TUBGCP3: variants seen among roughly 807,000 people sequenced by gnomAD.
The protein encoded by TUBGCP3 is gamma-tubulin complex component 3.
Under a neutral mutation model 123.1 loss-of-function variants are expected in TUBGCP3, and 50 were observed. That is an observed-to-expected ratio of 0.41 (90% CI 0.32 to 0.51). TUBGCP3 has a LOEUF of 0.51. Among genes scored for constraint, TUBGCP3 ranks in the 20% least tolerant of loss-of-function variants. The pLI is 0.36. For missense variants in TUBGCP3, 882 were observed against 1,127.0 expected (o/e 0.78, Z 3.11); for synonymous variants, 405 against 413.9 (o/e 0.98, Z 0.26).
Position 112,519,881 on chromosome 13 carries a change from A to G in TUBGCP3, c.1881+5T>C. On this transcript the variant is annotated splice_donor_5th_base_variant and intron_variant, in intron 15 of 21. Coordinates refer to ENST00000261965, the MANE Select transcript of TUBGCP3 (RefSeq NM_006322.6). The surrounding 1 kb of genome is among the most constrained non-coding windows in gnomAD (Gnocchi z 6.2). Reference sequence around the variant, plus strand: ...CGGCGTTCCCAACACGCAGAGCCGCAGTACCTCCAGCAGCCGCACGTCCAG... The same window carrying G: ...CGGCGTTCCCAACACGCAGAGCCGCGGTACCTCCAGCAGCCGCACGTCCAG... 6.2e-7 allele frequency: 1 copy of G among 1,612,550 alleles called. No individual in the cohort carries two copies. The highest frequency in any genetic ancestry group is 8.5e-7 in the Non-Finnish European group (1 of 1,178,912).
intron 20 of TUBGCP3, among the ~76,000 whole-genome samples, chr13:112,492,339 TTTTA>T (rs148194230): frequency 0.016 from 2,425 of 152,358 alleles, 73 homozygotes; most frequent in African/African-American, 0.054. Context: ...AACTTTTGTC[TTTTA>T]TTTCTTTACA....
rs188108892 is a variant in TUBGCP3 at position 112,554,204 on chromosome 13, T to C, written c.841-22A>G. On this transcript the variant is annotated intron_variant, in intron 7 of 21. Coordinates refer to ENST00000261965, the MANE Select transcript of TUBGCP3 (RefSeq NM_006322.6). ...TTGCCTAAAAAGTAAATACATCAAA[T>C]GTTAAACATTAAAAAGCAATACTAG... is the stretch of plus-strand genomic sequence containing the variant. 972 of 1,610,930 alleles carry C rather than the reference T, an allele frequency of 6.0e-4. 8 individuals are homozygous for C. The African/African-American group carries it at 0.012, about 19-fold the overall frequency.
At chr13:112,487,310 G>A (rs1456075997) in intron 21 of TUBGCP3, among the ~76,000 whole-genome samples, 1 of 152,112 alleles carries the variant, frequency 6.6e-6, no homozygotes, top group African/African-American at 2.4e-5. Context: ...GCCTGCCGTC[G>A]CTGGCACCGC....
In TUBGCP3 at chr13:112,588,001, G is replaced by C; in HGVS notation, c.-21C>G. On this transcript the variant is annotated 5_prime_UTR_variant, in exon 1 of 22. Transcript: ENST00000261965. ...GCCATCCTCGCCCGGAGCCGTGCAC[G>C]GTGGTCCGGGCAGAGCCGCCACTGC... 2 of 1,503,462 alleles carry C rather than the reference G, an allele frequency of 1.3e-6. No homozygotes were observed. The highest frequency in any genetic ancestry group is 1.8e-6 in the Non-Finnish European group (2 of 1,125,180). 93.1% of individuals were successfully genotyped at this position (1,503,462 alleles called of 1,614,324 possible).
chr13:112,555,490 T>C (rs1395923606), intron 6 of TUBGCP3, among the ~76,000 whole-genome samples: 1 of 152,220 alleles, frequency 6.6e-6, no homozygotes, highest in Non-Finnish European at 1.5e-5. Context: ...CAAATGCTGC[T>C]AACTGTAGTG....
chr13:112,500,025 G>A (rs3783156), intron 19 of TUBGCP3, among the ~76,000 whole-genome samples: 13,326 of 152,098 alleles, frequency 0.088, 1,505 homozygotes, highest in African/African-American at 0.25. Flanking sequence ...GTGGAATTGG[G>A]GTATTGGCAG....
At chr13:112,578,665 C>T (rs931600669) in intron 1 of TUBGCP3, among the ~76,000 whole-genome samples, 2 of 151,664 alleles carry the variant, frequency 1.3e-5, no homozygotes, top group Non-Finnish European at 2.9e-5. Flanking sequence ...TAATGCAACG[C>T]GACCTTTCGA....
At chr13:112,489,537 T>G in intron 21 of TUBGCP3, 44 bp downstream of exon 21, 2 of 1,340,216 alleles carry the variant, frequency 1.5e-6, no homozygotes, top group Non-Finnish European at 2.2e-6. Flanking sequence ...GTACAGAACA[T>G]GGGCAGAGTG....
intron 11 of TUBGCP3, among the ~76,000 whole-genome samples, chr13:112,539,285 T>C (rs1461081680): frequency 6.6e-6 from 1 of 152,108 alleles, no homozygotes; most frequent in Non-Finnish European, 1.5e-5. Context: ...TACAGAGTCA[T>C]CAGAACCTGA....
At chr13:112,534,454 G>A (rs1163665603) in intron 11 of TUBGCP3, among the ~76,000 whole-genome samples, 1 of 152,198 alleles carries the variant, frequency 6.6e-6, no homozygotes, top group Non-Finnish European at 1.5e-5. Flanking sequence ...GACTGAGGCA[G>A]GAGAATGGCG....
chr13:112,489,898 A>C (rs1413813253), intron 20 of TUBGCP3: 3 of 576,746 alleles, frequency 5.2e-6, no homozygotes, highest in Non-Finnish European at 9.2e-6. Context: ...TGTTGAAAAT[A>C]TTTCATATGA....
At chr13:112,530,501 C>A (rs1030701813) in intron 11 of TUBGCP3, among the ~76,000 whole-genome samples, 1 of 152,222 alleles carries the variant, frequency 6.6e-6, no homozygotes, top group Non-Finnish European at 1.5e-5. Context: ...TGTTTTCCAA[C>A]CAACGGCGCA....
At chr13:112,495,894 T>C (rs980872066) in intron 20 of TUBGCP3, among the ~76,000 whole-genome samples, 14 of 152,204 alleles carry the variant, frequency 9.2e-5, no homozygotes, top group African/African-American at 3.4e-4. Context: ...CATTACCACA[T>C]AGAATTTGAA....
At chr13:112,595,596 G>A in the TUBGCP3 span, among the ~76,000 whole-genome samples, 3 of 152,066 alleles carry the variant, frequency 2.0e-5, no homozygotes, top group Non-Finnish European at 2.9e-5. Flanking sequence ...TAATTGTCTT[G>A]GCTCTGAAGT....
chr13:112,538,946 T>C (rs1238955526), intron 11 of TUBGCP3, among the ~76,000 whole-genome samples: 1 of 152,196 alleles, frequency 6.6e-6, no homozygotes, highest in Non-Finnish European at 1.5e-5. Context: ...GGTAAAGATG[T>C]TATTAATACT....
At chr13:112,555,929 A>G (rs964010281) in intron 6 of TUBGCP3, 123 bp downstream of exon 6, 14 of 1,158,438 alleles carry the variant, frequency 1.2e-5, no homozygotes, top group Middle Eastern at 2.8e-4. Context: ...GGACTTCATC[A>G]TAAGAACAAG....
chr13:112,495,720 C>T (rs947596684), intron 20 of TUBGCP3, among the ~76,000 whole-genome samples: 1 of 152,088 alleles, frequency 6.6e-6, no homozygotes, highest in Non-Finnish European at 1.5e-5. Context: ...CTAAACTACC[C>T]AAATGCTTTG....
chr13:112,492,737 C>T (rs1041859638), intron 20 of TUBGCP3, among the ~76,000 whole-genome samples: 1 of 149,340 alleles, frequency 6.7e-6, no homozygotes, highest in Non-Finnish European at 1.5e-5. Flanking sequence ...ATCCCTAAGA[C>T]GCTCTAGCTA....
At chr13:112,600,974 G>A in the TUBGCP3 span, among the ~76,000 whole-genome samples, 3 of 151,980 alleles carry the variant, frequency 2.0e-5, no homozygotes, top group Non-Finnish European at 4.4e-5. Context: ...GATCACTTGA[G>A]GCCAGGGGTT....
Sources: allele counts gnomAD v4.1 joint callset (sites outside exome capture counted in the v4.1 genomes callset), GRCh38; gene constraint gnomAD v4.1.1; non-coding constraint Gnocchi (gnomAD v3.1); transcripts MANE v1.5; gene names NCBI Gene and HGNC (gene_info 2026-07-23, HGNC 2026-07-21).